Variants in TPTE observed in about 807,000 individuals in gnomAD.
The protein encoded by TPTE is putative tyrosine-protein phosphatase TPTE.
In TPTE, 59 loss-of-function variants were observed where a neutral mutation model predicts 84.1. That is an observed-to-expected ratio of 0.70 (90% CI 0.57 to 0.87). TPTE has a LOEUF of 0.87. Ranked by LOEUF, TPTE falls within the 40% of genes least tolerant of loss-of-function variation. The pLI, the probability that TPTE is intolerant of heterozygous loss-of-function variation, is 0.00. For synonymous variants in TPTE, 130 were observed against 223.5 expected (o/e 0.58, Z 3.73); for missense variants, 382 against 659.6 (o/e 0.58, Z 4.61).
chr21:10,596,159 A>C, intron 20 of TPTE, 72 bp downstream of exon 20: 1 of 1,581,708 alleles, frequency 6.3e-7, no homozygotes, highest in Non-Finnish European at 8.7e-7. Context: ...GGTTTTGCTC[A>C]TAGTTGTATA....
intron 9 of TPTE, among the ~76,000 whole-genome samples, chr21:10,559,787 T>C (rs1303753118): frequency 2.6e-5 from 4 of 151,008 alleles, no homozygotes; most frequent in African/African-American, 9.8e-5. Context: ...GGCAGAAGAA[T>C]CGCTTGAACC....
chr21:10,592,203 A>C, intron 18 of TPTE, 90 bp from the exon 19 acceptor site: 1 of 1,583,012 alleles, frequency 6.3e-7, no homozygotes, highest in South Asian at 1.1e-5. Flanking sequence ...ACTTTAGGAA[A>C]GAAGGTGGGC....
intron 7 of TPTE, among the ~76,000 whole-genome samples, chr21:10,545,779 A>G (rs1180583923): frequency 6.6e-6 from 1 of 151,762 alleles, no homozygotes; most frequent in Non-Finnish European, 1.5e-5. Flanking sequence ...ATATCTATAT[A>G]CATGTCTACA....
chr21:10,604,532 G>C (rs1979032322), intron 23 of TPTE, among the ~76,000 whole-genome samples: 1 of 152,312 alleles, frequency 6.6e-6, no homozygotes, highest in African/African-American at 2.4e-5. Context: ...TTAAACCTCT[G>C]GTCTGCACAC....
At chr21:10,567,270 T>G (rs1181630299) in intron 10 of TPTE, among the ~76,000 whole-genome samples, 4 of 152,302 alleles carry the variant, frequency 2.6e-5, no homozygotes, top group African/African-American at 9.6e-5. Flanking sequence ...CACAACAGAT[T>G]GACCATAGTC....
chr21:10,601,210 A>G (rs1455483088), intron 21 of TPTE, among the ~76,000 whole-genome samples: 35 of 152,348 alleles, frequency 2.3e-4, no homozygotes, highest in African/African-American at 8.4e-4. Flanking sequence ...GGCACTTTTG[A>G]AAAGTGCCTC....
At chr21:10,568,148 T>G (rs1035796982) in intron 11 of TPTE, among the ~76,000 whole-genome samples, 1 of 152,308 alleles carries the variant, frequency 6.6e-6, no homozygotes, top group African/African-American at 2.4e-5. Context: ...TATAATATTC[T>G]TATCAGTTTA....
intron 3 of TPTE, among the ~76,000 whole-genome samples, chr21:10,531,658 C>T (rs537416670): frequency 2.0e-5 from 3 of 152,428 alleles, no homozygotes; most frequent in East Asian, 1.9e-4. Flanking sequence ...TGCTCTAATC[C>T]GTCATCTGCC....
chr21:10,566,769 G>A (rs1424616571), intron 10 of TPTE, among the ~76,000 whole-genome samples: 1 of 152,308 alleles, frequency 6.6e-6, no homozygotes, highest in African/African-American at 2.4e-5. Flanking sequence ...CTGAAGTCGG[G>A]AGTTCGAGAC....
chr21:10,574,341 A>G (rs2075108026), intron 14 of TPTE, among the ~76,000 whole-genome samples: 1 of 152,312 alleles, frequency 6.6e-6, no homozygotes, highest in Non-Finnish European at 1.5e-5. Flanking sequence ...ACAGGGCTGC[A>G]AGTTCAGCTA....
chr21:10,558,220 A>G (rs2074720856), intron 8 of TPTE, among the ~76,000 whole-genome samples: 2 of 152,310 alleles, frequency 1.3e-5, no homozygotes, highest in Non-Finnish European at 1.5e-5. Flanking sequence ...GAACATTCAT[A>G]TGCATGTATC....
At position 10,541,147 on chromosome 21, in the gene TPTE, A is replaced by C. The variant is rs1350649577; in HGVS notation, c.47A>C (p.Glu16Ala). ...ACTGACCTGGCGGGAGTCATCATTG[A>C]GCTCGGCCCCAATGACAGGTGAGTT... ...DPTDLAGVII[E>A]LGPNDSPQTS... Residue 16 changes from glutamate to alanine, a missense_variant, in exon 5 of 24, where the codon GAG (glutamate) becomes GCG (alanine). Around this residue, in one of 10 missense-constraint regions of TPTE, gnomAD observed 63 missense variants for 49.5 expected, o/e 1.27. Transcript: ENST00000618007. 1.2e-6 allele frequency: 2 copies of C among 1,613,202 alleles called. No homozygotes were observed. The highest frequency in any genetic ancestry group is 3.3e-5 in the Admixed American group (2 of 59,990).
chr21:10,533,251 A>G (rs1321150139), intron 3 of TPTE, among the ~76,000 whole-genome samples: 1 of 152,306 alleles, frequency 6.6e-6, no homozygotes. Context: ...AACAATTTAT[A>G]TTTTTTGACA....
At chr21:10,569,968 T>C (rs1362423581) in intron 13 of TPTE, among the ~76,000 whole-genome samples, 1 of 152,312 alleles carries the variant, frequency 6.6e-6, no homozygotes, top group Non-Finnish European at 1.5e-5. Flanking sequence ...GGAACTTGAA[T>C]GGATTTTCAG....
intron 10 of TPTE, among the ~76,000 whole-genome samples, chr21:10,565,938 A>G (rs993065040): frequency 1.1e-4 from 17 of 152,422 alleles, no homozygotes; most frequent in African/African-American, 3.8e-4. Context: ...TCTCCAGGAC[A>G]TTGGTCTGAG....
chr21:10,547,160 G>A (rs866908721), intron 7 of TPTE, among the ~76,000 whole-genome samples: 29 of 152,388 alleles, frequency 1.9e-4, no homozygotes, highest in African/African-American at 4.1e-4. Context: ...CCTGGGGCCC[G>A]TGCGAATTAT....
chr21:10,522,066 C>G (rs1048505297), intron 1 of TPTE, among the ~76,000 whole-genome samples: 1 of 151,792 alleles, frequency 6.6e-6, no homozygotes, highest in African/African-American at 2.4e-5. Context: ...GCGCCCCCCG[C>G]CCGCGCCAGC....
intron 20 of TPTE, among the ~76,000 whole-genome samples, chr21:10,596,772 C>T (rs1236234993): frequency 6.6e-6 from 1 of 152,304 alleles, no homozygotes; most frequent in Non-Finnish European, 1.5e-5. Context: ...GCTATAGGTG[C>T]CATGGGGCCA....
intron 7 of TPTE, among the ~76,000 whole-genome samples, chr21:10,544,393 A>G (rs1413587586): frequency 6.6e-6 from 1 of 152,306 alleles, no homozygotes; most frequent in African/African-American, 2.4e-5. Flanking sequence ...TTCTATTATT[A>G]TTGTATTTTT....
Sources: allele counts gnomAD v4.1 joint callset (sites outside exome capture counted in the v4.1 genomes callset), GRCh38; gene constraint gnomAD v4.1.1; regional missense constraint gnomAD v4.1.1; transcripts MANE v1.5; gene names NCBI Gene and HGNC (gene_info 2026-07-23, HGNC 2026-07-21).